The following CDH4 variants were observed in gnomAD, a reference collection of about 807,000 sequenced individuals.
CDH4 encodes cadherin 4, also known as cadherin-4.
Under a neutral mutation model 86.0 loss-of-function variants are expected in CDH4, and 33 were observed. The observed-to-expected ratio is 0.38, with a 90% CI of 0.29 to 0.51. CDH4 has a LOEUF of 0.51. Ranked by LOEUF, CDH4 falls within the 20% of genes least tolerant of loss-of-function variation. CDH4 has a pLI of 0.86. For synonymous variants in CDH4, 555 were observed against 549.4 expected (o/e 1.01, Z -0.14); for missense variants, 1,114 against 1,307.4 (o/e 0.85, Z 2.28).
chr20:61,793,630 A>G (rs754677148), intron 4 of CDH4, among the ~76,000 whole-genome samples: 2 of 151,828 alleles, frequency 1.3e-5, no homozygotes, highest in Non-Finnish European at 2.9e-5. Flanking sequence ...TCACGAGGTC[A>G]GGAGTTCAAG....
At chr20:61,609,784 C>G (rs1327814935) in intron 2 of CDH4, among the ~76,000 whole-genome samples, 1 of 152,220 alleles carries the variant, frequency 6.6e-6, no homozygotes, top group Non-Finnish European at 1.5e-5. Flanking sequence ...TTTGAATGAG[C>G]TTGTCTGCGA....
intron 2 of CDH4, among the ~76,000 whole-genome samples, chr20:61,325,677 C>T (rs1448797427): frequency 6.6e-6 from 1 of 151,828 alleles, no homozygotes; most frequent in Non-Finnish European, 1.5e-5. Context: ...AAAGCGGGCC[C>T]CGACAGGAAG....
chr20:61,857,883 CTG>C (rs374986978), intron 6 of CDH4, among the ~76,000 whole-genome samples: 1 of 151,414 alleles, frequency 6.6e-6, no homozygotes, highest in African/African-American at 2.4e-5. Flanking sequence ...ATTGGTGTGT[CTG>C]TGTGTGTGTG....
intron 4 of CDH4, among the ~76,000 whole-genome samples, chr20:61,802,119 G>C (rs1451674394): frequency 6.6e-6 from 1 of 152,234 alleles, no homozygotes; most frequent in Non-Finnish European, 1.5e-5. Context: ...TTATAAACGA[G>C]GATGCCAAAG....
intron 2 of CDH4, among the ~76,000 whole-genome samples, chr20:61,329,475 T>TTTAAGCCCAGTGTGCTGCGGTGGATTGC (rs1167421178): frequency 5.9e-5 from 8 of 136,668 alleles, no homozygotes; most frequent in South Asian, 2.3e-4. Context: ...TTGAGGTGGC[T>TTTAAGCCCAGTGTGCTGCGGTGGATTGC]GTGAGTGGCT....
Position 61,754,823 on chromosome 20 carries a change from C to T in CDH4, c.396+11034C>T, listed in dbSNP as rs1367061023. On this transcript the variant is annotated intron_variant, in intron 3 of 15. Coordinates refer to ENST00000614565, the MANE Select transcript of CDH4 (RefSeq NM_001794.5). This position sits in a 1 kb window ranked among gnomAD's most constrained non-coding sequence, Gnocchi z 4.7. ...CACACACCACACACACGATGCATGCCACACACCACACACATGCCCCACACA... is the reference window on the plus strand; with the variant it reads ...CACACACCACACACACGATGCATGCTACACACCACACACATGCCCCACACA... Among the ~76,000 whole-genome samples, 1 of 149,958 alleles carries T rather than the reference C, an allele frequency of 6.7e-6. No individual in the cohort carries two copies. Among genetic ancestry groups the T allele is most frequent in the Non-Finnish European group, 1.5e-5 (1 of 67,386 alleles).
intron 6 of CDH4, among the ~76,000 whole-genome samples, chr20:61,864,734 C>A (rs1350782376): frequency 6.6e-6 from 1 of 152,188 alleles, no homozygotes; most frequent in Non-Finnish European, 1.5e-5. Flanking sequence ...CCGGGCAGAC[C>A]CTTATGAGAC....
chr20:61,499,033 G>A (rs959606963), intron 2 of CDH4, among the ~76,000 whole-genome samples: 1 of 152,184 alleles, frequency 6.6e-6, no homozygotes, highest in African/African-American at 2.4e-5. Flanking sequence ...TGACTTGCCG[G>A]GAGCATGGCC....
chr20:61,924,336 A>G lies in CDH4; in HGVS notation c.1631A>G (p.Tyr544Cys), dbSNP rs1357803869. ...PDRFMQQAVR[Y>C]SKLSDPASWL... ...CCCTGCACTTGTGGTCTCCGCAGAT[A>G]CTCAAAGCTGTCAGACCCAGCGAGC... The change falls in exon 11 of 16, where the codon TAC becomes TGC. Residue 544 changes from tyrosine (Y) to cysteine (C), a missense_variant and splice_region_variant. Tyr to Cys is a radical substitution (Grantham distance 194). Coordinates refer to ENST00000614565, the MANE Select transcript of CDH4 (RefSeq NM_001794.5). 6.2e-7 allele frequency: 1 copy of G among 1,612,338 alleles called. No homozygotes were observed. The highest frequency in any genetic ancestry group is 2.2e-5 in the East Asian group (1 of 44,754).
chr20:61,834,266 C>A (rs971233741), intron 4 of CDH4, among the ~76,000 whole-genome samples: 5 of 152,234 alleles, frequency 3.3e-5, no homozygotes, highest in Non-Finnish European at 5.9e-5. Flanking sequence ...TGCCCCTTGC[C>A]CCCCCTCACT....
At position 61,501,239 on chromosome 20, in the gene CDH4, T is replaced by G. The variant is rs529329939; in HGVS notation, c.170-242324T>G. On this transcript the variant is annotated intron_variant, in intron 2 of 15. Coordinates refer to ENST00000614565, the MANE Select transcript of CDH4 (RefSeq NM_001794.5). The surrounding 1 kb of genome is among the most constrained non-coding windows in gnomAD (Gnocchi z 4.2). The stretch of plus-strand genomic sequence containing the variant: ...AGTCTCCTTATCTGATGTTTAGAGC[T>G]TCATAGTTTAAATGGCAATCATTCC... Among the ~76,000 whole-genome samples, 77 of 152,288 alleles carry G rather than the reference T, an allele frequency of 5.1e-4. 1 individual carries two copies. The South Asian group carries it at 0.012, about 25-fold the overall frequency.
rs112946103 is a variant in CDH4, at chr20:61,258,051, T to C, written c.169+3114T>C. On this transcript the variant is annotated intron_variant, in intron 2 of 15. Coordinates refer to ENST00000614565, the MANE Select transcript of CDH4 (RefSeq NM_001794.5). ...CAGAGTATAGAAAGAGGAGCTTGGC[T>C]GGGTGCGGTGGCTCACGCCTGTAAT... Among the ~76,000 whole-genome samples the C allele has an allele frequency of 2.1e-3, 319 of 152,262 alleles. 2 individuals are homozygous for C. Among genetic ancestry groups the C allele is most frequent in the African/African-American group, 7.3e-3 (303 of 41,562 alleles).
intron 2 of CDH4, among the ~76,000 whole-genome samples, chr20:61,474,061 A>G (rs927092307): frequency 6.6e-6 from 1 of 151,950 alleles, no homozygotes; most frequent in African/African-American, 2.4e-5. Context: ...TGTTCTGCTG[A>G]CAGCCACAGA....
intron 2 of CDH4, among the ~76,000 whole-genome samples, chr20:61,395,115 G>C (rs555287504): frequency 5.9e-5 from 9 of 151,600 alleles, no homozygotes; most frequent in African/African-American, 2.2e-4. Context: ...GAAGTCCCAG[G>C]GGGGAGATGC....
chr20:61,254,663 A>G (rs2084087681), intron 1 of CDH4, among the ~76,000 whole-genome samples, 163 bp from the exon 2 acceptor site: 1 of 152,178 alleles, frequency 6.6e-6, no homozygotes, highest in Non-Finnish European at 1.5e-5. Flanking sequence ...AAGTCCCCAG[A>G]GAGCAGAGGA....
intron 2 of CDH4, among the ~76,000 whole-genome samples, chr20:61,435,070 C>G (rs73318327): frequency 1.3e-5 from 2 of 152,128 alleles, no homozygotes; most frequent in South Asian, 2.1e-4. Context: ...TTCACGTTCA[C>G]GAGTATGAAG....
At chr20:61,253,149 C>T (rs1348305769) in intron 1 of CDH4, among the ~76,000 whole-genome samples, 1 of 151,270 alleles carries the variant, frequency 6.6e-6, no homozygotes, top group Non-Finnish European at 1.5e-5. Flanking sequence ...CGGGGTAGGA[C>T]TGCGGGGCAC....
chr20:61,460,497 C>T (rs1354892162), intron 2 of CDH4, among the ~76,000 whole-genome samples: 1 of 152,216 alleles, frequency 6.6e-6, no homozygotes, highest in African/African-American at 2.4e-5. Flanking sequence ...GAGCCCCCGG[C>T]CTCACCTGCC....
intron 2 of CDH4, among the ~76,000 whole-genome samples, chr20:61,267,242 C>G (rs970948573): frequency 6.6e-6 from 1 of 152,208 alleles, no homozygotes; most frequent in Non-Finnish European, 1.5e-5. Context: ...CGAATCCACC[C>G]ACTGAACTGG....
Sources: gnomAD v4.1 joint callset for allele counts (sites outside exome capture counted in the v4.1 genomes callset) on GRCh38, gnomAD v4.1.1 for gene constraint, Gnocchi (gnomAD v3.1) non-coding constraint, MANE v1.5 for transcripts, NCBI Gene and HGNC (gene_info 2026-07-23, HGNC 2026-07-21) for gene names.